Variants in PAM observed in about 807,000 individuals in gnomAD.
PAM encodes peptidyl-glycine alpha-amidating monooxygenase.
Under a neutral mutation model 122.1 loss-of-function variants are expected in PAM, and 72 were observed. The ratio of observed to expected loss-of-function variants is 0.59; its 90% confidence interval spans 0.49 to 0.72. The LOEUF is 0.72. PAM is among the 30% of genes least tolerant of loss of function. PAM has a pLI of 0.00. For synonymous variants in PAM, 389 were observed against 404.4 expected (o/e 0.96, Z 0.46); for missense variants, 1,106 against 1,183.7 (o/e 0.93, Z 0.96).
At chr5:102,770,504 C>T (rs1755443321) in intron 1 of PAM, among the ~76,000 whole-genome samples, 1 of 152,046 alleles carries the variant, frequency 6.6e-6, no homozygotes, top group Non-Finnish European at 1.5e-5. Context: ...GTGGGTCTGT[C>T]ACATATGGCT....
chr5:102,967,477 T>C (rs1193104519), intron 14 of PAM, among the ~76,000 whole-genome samples: 1 of 152,174 alleles, frequency 6.6e-6, no homozygotes, highest in Non-Finnish European at 1.5e-5. Context: ...TTTTAACAAA[T>C]TATTATTCAT....
intron 3 of PAM, among the ~76,000 whole-genome samples, chr5:102,880,212 T>C (rs76802235): frequency 1.6e-4 from 25 of 151,968 alleles, no homozygotes; most frequent in African/African-American, 4.6e-4. Flanking sequence ...GCCTGGGAGA[T>C]GGAGGTTGCA....
intron 14 of PAM, among the ~76,000 whole-genome samples, chr5:102,968,549 T>C (rs1040340552): frequency 6.6e-5 from 10 of 152,242 alleles, no homozygotes; most frequent in Non-Finnish European, 1.3e-4. Context: ...TTTATATTGT[T>C]CTGAATATGT....
At chr5:102,880,150 G>T (rs1019015618) in intron 3 of PAM, among the ~76,000 whole-genome samples, 1 of 152,054 alleles carries the variant, frequency 6.6e-6, no homozygotes, top group Non-Finnish European at 1.5e-5. Flanking sequence ...GCATGGTGGT[G>T]TATGCCTGCT....
At chr5:102,981,379 T>A (rs1056833045) in intron 15 of PAM, among the ~76,000 whole-genome samples, 5 of 152,240 alleles carry the variant, frequency 3.3e-5, no homozygotes, top group African/African-American at 1.2e-4. Flanking sequence ...ATTATATGTG[T>A]TTATTGTCTT....
intron 1 of PAM, among the ~76,000 whole-genome samples, chr5:102,766,926 ATTTTTTTTTTTTT>A: frequency 1.0e-3 from 27 of 25,856 alleles, no homozygotes; most frequent in Non-Finnish European, 1.5e-3. Context: ...TCAGTTGTGG[ATTTTTTTTTTTTT>A]TTTTTTTTTT....
rs909077748 is a variant in PAM at position 102,844,347 on chromosome 5, G to T, written c.-373-21476G>T. Reference sequence around the variant, plus strand: ...GGGAAAATGAATGAAGGGCATGTGGGATCTCTCTGTACTATTTCTTCCAAC... The same window carrying T: ...GGGAAAATGAATGAAGGGCATGTGGTATCTCTCTGTACTATTTCTTCCAAC... On this transcript the variant is annotated intron_variant, in intron 1 of 25. Transcript: ENST00000438793. Among the ~76,000 whole-genome samples the T allele has an allele frequency of 4.6e-5, 7 of 152,112 alleles. No individual in the cohort carries two copies. The East Asian group carries it at 1.3e-3, about 29-fold the overall frequency.
intron 1 of PAM, among the ~76,000 whole-genome samples, chr5:102,788,350 T>C (rs890979032): frequency 1.3e-5 from 2 of 152,142 alleles, no homozygotes; most frequent in Admixed American, 6.6e-5. Context: ...ATTACGGTCT[T>C]TACTTTGTCA....
chr5:102,941,686 A>T lies in PAM; in HGVS notation c.527-5151A>T, dbSNP rs35604190. On this transcript the variant is annotated intron_variant, in intron 7 of 25. Coordinates refer to ENST00000438793, the MANE Select transcript of PAM (RefSeq NM_001177306.2). Reference sequence around the variant, plus strand: ...TTTTGTTTTGAAGGAACTAATTTTTAAAAAAATCTGGTAACTCAGATTTTG... The same window carrying T: ...TTTTGTTTTGAAGGAACTAATTTTTTAAAAAATCTGGTAACTCAGATTTTG... Among the ~76,000 whole-genome samples the T allele has an allele frequency of 8.9e-3, 1,358 of 152,138 alleles. 24 individuals are homozygous for T. Among genetic ancestry groups the T allele is most frequent in the African/African-American group, 0.03 (1,263 of 41,510 alleles).
At chr5:102,786,536 T>C (rs1400417586) in intron 1 of PAM, among the ~76,000 whole-genome samples, 1 of 152,126 alleles carries the variant, frequency 6.6e-6, no homozygotes, top group South Asian at 2.1e-4. Flanking sequence ...CTGCTGAACA[T>C]CAAAGGGAAT....
At chr5:102,835,276 T>C (rs1051090551) in intron 1 of PAM, among the ~76,000 whole-genome samples, 3 of 152,232 alleles carry the variant, frequency 2.0e-5, no homozygotes, top group Admixed American at 6.5e-5. Flanking sequence ...TTTCAGGATA[T>C]TGACTTTGGT....
At chr5:102,922,489 A>G (rs1175536894) in intron 5 of PAM, among the ~76,000 whole-genome samples, 1 of 152,176 alleles carries the variant, frequency 6.6e-6, no homozygotes, top group Non-Finnish European at 1.5e-5. Context: ...CAATGTCTAG[A>G]TCATGAAAGG....
chr5:102,804,270 C>G, intron 1 of PAM, among the ~76,000 whole-genome samples: 1 of 151,994 alleles, frequency 6.6e-6, no homozygotes, highest in Non-Finnish European at 1.5e-5. Flanking sequence ...TTGGTGGTAA[C>G]CTGGTCAAGG....
Position 102,809,352 on chromosome 5 carries a change from CAAAAAAA to C in PAM, c.-374+54017_-374+54023del, listed in dbSNP as rs11302898. 2.8e-3 allele frequency among the ~76,000 whole-genome samples: 354 copies of C among 126,240 alleles called. 3 individuals carry two copies. The highest frequency in any genetic ancestry group is 1.0e-2 in the African/African-American group (333 of 33,372). The allele number at this position is 126,240 out of a possible 152,430, so 82.8% of individuals were successfully genotyped here. On this transcript the variant is annotated intron_variant, in intron 1 of 25. Coordinates refer to ENST00000438793, the MANE Select transcript of PAM (RefSeq NM_001177306.2). ...TAAAGCAAGCAAGACCTGTCTCTAC[CAAAAAAA>C]AAAAAAAAAAAAGAAAACAAAAAAC...
At chr5:102,867,874 G>A (rs1786099472) in intron 3 of PAM, among the ~76,000 whole-genome samples, 1 of 152,184 alleles carries the variant, frequency 6.6e-6, no homozygotes, top group Non-Finnish European at 1.5e-5. Context: ...TAAGAAAACT[G>A]TTCATACAGG....
chr5:102,795,855 A>C (rs990093574), intron 1 of PAM, among the ~76,000 whole-genome samples: 1 of 152,212 alleles, frequency 6.6e-6, no homozygotes, highest in African/African-American at 2.4e-5. Flanking sequence ...TTCCAACCTC[A>C]TTATCAGAGA....
chr5:102,804,466 AAG>A lies in PAM; in HGVS notation c.-374+49119_-374+49120del, dbSNP rs1765692473. ...GGAAATTTGGTTGCTAACTGGATTT[AAG>A]GGTGATGGGGAGTTACAACCCTTTT... is the stretch of plus-strand genomic sequence containing the variant. On this transcript the variant is annotated intron_variant, in intron 1 of 25. Transcript: ENST00000438793. Among the ~76,000 whole-genome samples, 4 of 152,224 alleles carry A rather than the reference AAG, an allele frequency of 2.6e-5. No homozygotes were observed. The East Asian group carries it at 7.7e-4, about 29-fold the overall frequency.
At chr5:102,950,140 T>C (rs1295565159) in intron 11 of PAM, among the ~76,000 whole-genome samples, 162 bp downstream of exon 11, 1 of 152,170 alleles carries the variant, frequency 6.6e-6, no homozygotes, top group Non-Finnish European at 1.5e-5. Flanking sequence ...ACTTCCAATT[T>C]GTTGCTTTCT....
intron 4 of PAM, among the ~76,000 whole-genome samples, chr5:102,902,612 T>TA (rs1261723346): frequency 9.9e-5 from 15 of 151,604 alleles, no homozygotes; most frequent in Non-Finnish European, 1.6e-4. Context: ...ATTTAGAACA[T>TA]ACATTCATAA....
Sources: gnomAD v4.1 joint callset for allele counts (sites outside exome capture counted in the v4.1 genomes callset) on GRCh38, gnomAD v4.1.1 for gene constraint, MANE v1.5 for transcripts, NCBI Gene and HGNC (gene_info 2026-07-23, HGNC 2026-07-21) for gene names.